The following GATA4 variants were observed in gnomAD, a reference collection of about 807,000 sequenced individuals.
The protein encoded by GATA4 is transcription factor GATA-4.
GATA4 carries 7 observed loss-of-function variants against 37.9 expected under a neutral mutation model. The ratio of observed to expected loss-of-function variants is 0.18; its 90% CI spans 0.11 to 0.35. GATA4 has a LOEUF of 0.35. Among genes scored for constraint, GATA4 ranks in the 10% least tolerant of loss-of-function variants. GATA4 has a pLI of 1.00. For missense variants in GATA4, 647 were observed against 653.0 expected, an observed-to-expected ratio of 0.99 and a Z score of 0.10; for synonymous variants, 372 against 292.6, an observed-to-expected ratio of 1.27 and a Z score of -2.77.
chr8:11,722,228 A>G (rs1800709326), intron 2 of GATA4, among the ~76,000 whole-genome samples: 1 of 152,238 alleles, frequency 6.6e-6, no homozygotes, highest in Admixed American at 6.5e-5. Flanking sequence ...TTTGACAAAT[A>G]TCATTTCATG....
Position 11,712,424 on chromosome 8 carries a change from G to A in GATA4, c.616+3496G>A, listed in dbSNP as rs112256078. ...GAGAAGCAGCATCATTCTTCCCTCTGCTGAGATTCTGGAAGTAGTCATTTA... is the reference window on the plus strand; with the variant it reads ...GAGAAGCAGCATCATTCTTCCCTCTACTGAGATTCTGGAAGTAGTCATTTA... On this transcript the variant is annotated intron_variant, in intron 2 of 6. Coordinates refer to ENST00000532059, the MANE Select transcript of GATA4 (RefSeq NM_001308093.3). Among the ~76,000 whole-genome samples the A allele has an allele frequency of 1.7e-3, 265 of 152,276 alleles. 1 individual carries two copies. The highest frequency in any genetic ancestry group is 5.8e-3 in the African/African-American group (239 of 41,546).
At position 11,758,487 on chromosome 8, in the gene GATA4, CCCT is replaced by C. The variant is rs1802722110; in HGVS notation, c.*17_*19del. 2 of 1,613,898 alleles carry C rather than the reference CCCT, an allele frequency of 1.2e-6. No individual in the cohort carries two copies. Among genetic ancestry groups the C allele is most frequent in the Admixed American group, 3.3e-5 (2 of 60,012 alleles). On this transcript the variant is annotated 3_prime_UTR_variant, in exon 7 of 7. Coordinates refer to ENST00000532059, the MANE Select transcript of GATA4 (RefSeq NM_001308093.3). The stretch of plus-strand genomic sequence containing the variant: ...TAATCACTGCGTAATCTTCCCTCTT[CCCT>C]CCTCAAATTCCTGCACGGACCTGGG...
chr8:11,719,125 G>C (rs1800558702), intron 2 of GATA4, among the ~76,000 whole-genome samples: 2 of 152,078 alleles, frequency 1.3e-5, no homozygotes, highest in Admixed American at 1.3e-4. Context: ...TGTTTTATCA[G>C]CTTGGGTTGA....
chr8:11,720,084 G>A (rs973462461), intron 2 of GATA4, among the ~76,000 whole-genome samples: 1 of 151,780 alleles, frequency 6.6e-6, no homozygotes, highest in Non-Finnish European at 1.5e-5. Flanking sequence ...CTGGCGCGGA[G>A]AAACCCTGGG....
At chr8:11,741,016 G>A (rs991153316) in intron 2 of GATA4, among the ~76,000 whole-genome samples, 1 of 152,060 alleles carries the variant, frequency 6.6e-6, no homozygotes, top group African/African-American at 2.4e-5. Context: ...TTACAGGCAT[G>A]AGCCACCACA....
chr8:11,686,934 G>T (rs1171361054), intron 1 of GATA4, among the ~76,000 whole-genome samples: 1 of 151,606 alleles, frequency 6.6e-6, no homozygotes, highest in Admixed American at 6.6e-5. Context: ...GGAGGCGGAG[G>T]TTGCAGTGAA....
chr8:11,681,372 A>T, intron 1 of GATA4: 9 of 985,292 alleles, frequency 9.1e-6, no homozygotes, highest in Non-Finnish European at 9.6e-6. Context: ...CCTAGGTCTC[A>T]TAAAAACTCC....
At chr8:11,697,142 C>T (rs1799531369) in intron 1 of GATA4, among the ~76,000 whole-genome samples, 1 of 152,236 alleles carries the variant, frequency 6.6e-6, no homozygotes, top group Admixed American at 6.5e-5. Flanking sequence ...TCTCTCTTCA[C>T]TTCCTTGCCC....
intron 1 of GATA4, chr8:11,697,700 G>T: frequency 1.0e-6 from 1 of 985,478 alleles, no homozygotes; most frequent in Admixed American, 6.1e-5. Flanking sequence ...TTTCGCACTT[G>T]GGCTTCGCGC....
At chr8:11,691,298 A>T (rs563796990), upstream of GATA4, among the ~76,000 whole-genome samples, 5 of 152,300 alleles carry the variant, frequency 3.3e-5, no homozygotes, top group African/African-American at 1.2e-4. Context: ...CAGACTTAGG[A>T]TCCTGGTGTT....
rs116790586 is a variant in GATA4 at position 11,726,214 on chromosome 8, C to T, written c.616+17286C>T. Among the ~76,000 whole-genome samples, 644 of 152,272 alleles carry T rather than the reference C, an allele frequency of 4.2e-3. 4 individuals carry two copies. Among genetic ancestry groups the T allele is most frequent in the African/African-American group, 0.014 (595 of 41,546 alleles). On this transcript the variant is annotated intron_variant, in intron 2 of 6. Coordinates refer to ENST00000532059, the MANE Select transcript of GATA4 (RefSeq NM_001308093.3). ...GTGAAAGGCTCTGCTGAGACATCTT[C>T]GGCGGGAGCGGAGCCATCCTTGTAA... is the stretch of plus-strand genomic sequence containing the variant.
chr8:11,690,441 A>G (rs778011970), upstream of GATA4, among the ~76,000 whole-genome samples: 1 of 152,218 alleles, frequency 6.6e-6, no homozygotes, highest in African/African-American at 2.4e-5. Context: ...AATTTTGGAG[A>G]GAGAGGTATA....
chr8:11,745,625 A>G (rs1217148738), intron 2 of GATA4, among the ~76,000 whole-genome samples: 1 of 151,938 alleles, frequency 6.6e-6, no homozygotes, highest in Admixed American at 6.6e-5. Context: ...TGTGGGAAAA[A>G]GAAAAAAAAG....
intron 2 of GATA4, among the ~76,000 whole-genome samples, chr8:11,728,116 G>A (rs1276226980): frequency 3.3e-5 from 5 of 151,774 alleles, no homozygotes; most frequent in African/African-American, 7.3e-5. Context: ...TCAGCCTCCC[G>A]AGCAGCTGGG....
upstream of GATA4, among the ~76,000 whole-genome samples, chr8:11,691,571 C>G (rs1005430808): frequency 4.6e-5 from 7 of 152,232 alleles, no homozygotes; most frequent in African/African-American, 1.7e-4. Context: ...ACCTGGGAGA[C>G]AGTTTAGTAG....
At chr8:11,720,003 G>A (rs1055326634) in intron 2 of GATA4, among the ~76,000 whole-genome samples, 2 of 152,100 alleles carry the variant, frequency 1.3e-5, no homozygotes, top group African/African-American at 2.4e-5. Context: ...GAGTTGCAGC[G>A]CTGAAATCTG....
chr8:11,725,197 C>G (rs765907153), intron 2 of GATA4, among the ~76,000 whole-genome samples: 1 of 152,228 alleles, frequency 6.6e-6, no homozygotes, highest in Non-Finnish European at 1.5e-5. Context: ...AAATGGGATC[C>G]GGTCATGTGG....
chr8:11,692,416 A>G, upstream of GATA4: 2 of 742,684 alleles, frequency 2.7e-6, no homozygotes. Flanking sequence ...TGATTTCTCT[A>G]CCTATCTTAT....
At chr8:11,694,514 CT>C in intron 1 of GATA4, 2 of 985,394 alleles carry the variant, frequency 2.0e-6, no homozygotes, top group South Asian at 9.4e-5. Context: ...CCCTTGCCAC[CT>C]TTTGGTTCCT....
Sources: allele counts gnomAD v4.1 joint callset (sites outside exome capture counted in the v4.1 genomes callset), GRCh38; gene constraint gnomAD v4.1.1; transcripts MANE v1.5; gene names NCBI Gene and HGNC (gene_info 2026-07-23, HGNC 2026-07-21).